Variants in ANO10 observed in about 807,000 individuals in gnomAD.
ANO10 encodes the protein anoctamin 10, also known as anoctamin-10.
In ANO10, 77 loss-of-function variants were observed where a neutral mutation model predicts 74.7. The ratio of observed to expected loss-of-function variants is 1.03; its 90% CI spans 0.86 to 1.25. The LOEUF is 1.25. ANO10 is among the 50% of genes most tolerant of loss of function. The probability of loss-of-function intolerance (pLI) is 0.00; values close to 1 mark genes in which losing one functional copy is unlikely to be tolerated. For missense variants in ANO10, 721 were observed against 778.1 expected (o/e 0.93, Z 0.87); for synonymous variants, 279 against 284.9 (o/e 0.98, Z 0.21).
chr3:43,595,320 T>G (rs1428021453), intron 4 of ANO10, among the ~76,000 whole-genome samples: 2 of 152,116 alleles, frequency 1.3e-5, no homozygotes, highest in Non-Finnish European at 2.9e-5. Context: ...AAAAAGAGAA[T>G]TTTAGATCAA....
At chr3:43,669,319 G>A (rs553388248) in intron 1 of ANO10, among the ~76,000 whole-genome samples, 1 of 152,280 alleles carries the variant, frequency 6.6e-6, no homozygotes, top group South Asian at 2.1e-4. Context: ...GAGGGAATAT[G>A]TCACCAATAT....
At position 43,640,284 on chromosome 3, in the gene ANO10, A is replaced by G. The variant is rs74735135; in HGVS notation, c.-11-34421T>C. Among the ~76,000 whole-genome samples, 917 of 152,242 alleles carry G rather than the reference A, an allele frequency of 6.0e-3. 8 individuals are homozygous for G. The highest frequency in any genetic ancestry group is 0.021 in the African/African-American group (860 of 41,538). ...GAAAGAGTTTACTTGAAGCTGCACC[A>G]CTCAACCAAGTCCATTCTGTTGTTT... On this transcript the variant is annotated intron_variant, in intron 1 of 3. Transcript: ENST00000413397.
At chr3:43,459,657 T>C (rs1043635134) in intron 11 of ANO10, among the ~76,000 whole-genome samples, 7 of 152,184 alleles carry the variant, frequency 4.6e-5, no homozygotes, top group Admixed American at 2.0e-4. Flanking sequence ...TAGTGAGTGC[T>C]TCCTGCCAGT....
chr3:43,589,597 G>A (rs1575493405), intron 4 of ANO10, among the ~76,000 whole-genome samples: 1 of 152,226 alleles, frequency 6.6e-6, no homozygotes, highest in East Asian at 1.9e-4. Context: ...CTGGGCAACA[G>A]AGCAAGACTC....
At chr3:43,653,524 C>T (rs2083812080) in intron 1 of ANO10, among the ~76,000 whole-genome samples, 1 of 152,100 alleles carries the variant, frequency 6.6e-6, no homozygotes, top group Non-Finnish European at 1.5e-5. Flanking sequence ...AAATCAAATG[C>T]TTAAAAATAT....
At chr3:43,418,141 G>A (rs1217762174) in intron 12 of ANO10, among the ~76,000 whole-genome samples, 3 of 152,348 alleles carry the variant, frequency 2.0e-5, no homozygotes, top group African/African-American at 7.2e-5. Flanking sequence ...GATGGGGGTG[G>A]TGGCAGGTGC....
intron 12 of ANO10, among the ~76,000 whole-genome samples, chr3:43,395,322 G>A (rs548501584): frequency 5.3e-5 from 8 of 152,120 alleles, no homozygotes; most frequent in Non-Finnish European, 1.0e-4. Context: ...ATACGTTTAT[G>A]GATCATACTT....
intron 1 of ANO10, among the ~76,000 whole-genome samples, chr3:43,648,833 C>T (rs1042163089): frequency 1.8e-4 from 27 of 152,014 alleles, no homozygotes; most frequent in African/African-American, 5.8e-4. Context: ...CCCACCACCA[C>T]GTCCGGCTAA....
chr3:43,452,314 G>A (rs1016932012), intron 11 of ANO10, among the ~76,000 whole-genome samples: 2 of 152,220 alleles, frequency 1.3e-5, no homozygotes, highest in Admixed American at 6.5e-5. Flanking sequence ...CCTCCAAAAA[G>A]CCTATGCCCC....
intron 7 of ANO10, among the ~76,000 whole-genome samples, chr3:43,567,081 C>T (rs896746190): frequency 2.6e-5 from 4 of 151,812 alleles, no homozygotes; most frequent in Non-Finnish European, 5.9e-5. Context: ...GAAAGGGTAT[C>T]GGCAATGGAA....
At chr3:43,396,616 T>C (rs2092387188) in intron 12 of ANO10, among the ~76,000 whole-genome samples, 1 of 151,934 alleles carries the variant, frequency 6.6e-6, no homozygotes, top group Admixed American at 6.6e-5. Flanking sequence ...GGATTACAGG[T>C]ATGAGCCACC....
At chr3:43,466,241 C>T (rs964903339) in intron 11 of ANO10, among the ~76,000 whole-genome samples, 1 of 151,142 alleles carries the variant, frequency 6.6e-6, no homozygotes, top group African/African-American at 2.4e-5. Context: ...CGTGGTGGTG[C>T]GTGCCGGTAG....
At chr3:43,469,120 G>A (rs575485148) in intron 11 of ANO10, among the ~76,000 whole-genome samples, 1 of 130,812 alleles carries the variant, frequency 7.6e-6, no homozygotes, top group South Asian at 2.4e-4. Context: ...TTGGCTCACT[G>A]CAACCTCCAC....
chr3:43,659,989 C>CCTGCGG lies in ANO10; in HGVS notation c.-12+31522_-12+31527dup, dbSNP rs559402389. ...CAGATGTCCACAGGACTCCGACAGA[C>CCTGCGG]CTGCGGCTGAGGGGCCTGTCTGTTA... On this transcript the variant is annotated intron_variant, in intron 1 of 3. Coordinates refer to the ANO10 transcript ENST00000413397. 1.3e-4 allele frequency among the ~76,000 whole-genome samples: 20 copies of CCTGCGG among 152,290 alleles called. No homozygotes were observed. In the East Asian group the frequency reaches 3.3e-3, roughly 25 times the overall value.
In ANO10 at chr3:43,395,611, C is replaced by T. The variant is rs543306306; in HGVS notation, c.1915-28637G>A. The stretch of plus-strand genomic sequence containing the variant: ...GTACATACATGTGTGAGGTTATCAC[C>T]GAACTCTATTCTGCTCCGTTAATCT... On this transcript the variant is annotated intron_variant, in intron 12 of 12. Transcript: ENST00000292246. 1.8e-4 allele frequency among the ~76,000 whole-genome samples: 27 copies of T among 151,358 alleles called. No individual in the cohort carries two copies. In the South Asian group the frequency reaches 3.3e-3, roughly 19 times the overall value.
chr3:43,553,965 T>G (rs567288711), intron 10 of ANO10, among the ~76,000 whole-genome samples: 3 of 152,340 alleles, frequency 2.0e-5, no homozygotes, highest in Non-Finnish European at 4.4e-5. Context: ...TCAATGTGAT[T>G]CTCTTTTATA....
chr3:43,619,275 G>C (rs190926221), intron 1 of ANO10, among the ~76,000 whole-genome samples: 1 of 152,252 alleles, frequency 6.6e-6, no homozygotes, highest in East Asian at 1.9e-4. Context: ...AGGATGCTCA[G>C]GTTAAAAGAG....
intron 9 of ANO10, among the ~76,000 whole-genome samples, chr3:43,556,747 T>TA (rs1433968257): frequency 9.9e-5 from 15 of 152,234 alleles, no homozygotes; most frequent in African/African-American, 3.4e-4. Flanking sequence ...TGTTATTTAC[T>TA]AAAAACACGG....
chr3:43,406,177 C>T (rs2092572099), intron 12 of ANO10, among the ~76,000 whole-genome samples: 1 of 152,222 alleles, frequency 6.6e-6, no homozygotes, highest in African/African-American at 2.4e-5. Context: ...ATGGCAACCA[C>T]TCCGTGCCAT....
Sources: gnomAD v4.1 joint callset for allele counts (sites outside exome capture counted in the v4.1 genomes callset) on GRCh38, gnomAD v4.1.1 for gene constraint, MANE v1.5 for transcripts, NCBI Gene and HGNC (gene_info 2026-07-23, HGNC 2026-07-21) for gene names.